AUTS2: variants seen among roughly 807,000 people sequenced by gnomAD.
AUTS2 encodes the protein activator of transcription and developmental regulator AUTS2, also known as autism susceptibility gene 2 protein.
AUTS2 carries 17 observed loss-of-function variants against 112.4 expected under a neutral mutation model. The ratio of observed to expected loss-of-function variants is 0.15; its 90% CI spans 0.10 to 0.23. AUTS2 has a LOEUF of 0.23. Among genes scored for constraint, AUTS2 ranks in the 10% least tolerant of loss-of-function variants. AUTS2 has a pLI of 1.00. For synonymous variants in AUTS2, 751 were observed against 702.7 expected, an observed-to-expected ratio of 1.07 and a Z score of -1.09; for missense variants, 1,510 against 1,701.6, an observed-to-expected ratio of 0.89 and a Z score of 1.98.
At chr7:70,432,871 G>A (rs1795734397) in intron 4 of AUTS2, among the ~76,000 whole-genome samples, 1 of 152,148 alleles carries the variant, frequency 6.6e-6, no homozygotes, top group Non-Finnish European at 1.5e-5. Context: ...ACCAGAAATG[G>A]AACTGTTTTC....
chr7:70,227,832 G>A (rs1311747650), intron 4 of AUTS2, among the ~76,000 whole-genome samples: 1 of 152,002 alleles, frequency 6.6e-6, no homozygotes, highest in African/African-American at 2.4e-5. Context: ...TAAATTTATA[G>A]ATAGTTATGG....
intron 2 of AUTS2, among the ~76,000 whole-genome samples, chr7:70,115,852 A>G (rs1350558069): frequency 6.6e-6 from 1 of 152,220 alleles, no homozygotes; most frequent in East Asian, 1.9e-4. Flanking sequence ...GAGCTCTTCA[A>G]AGACCATAAC....
intron 5 of AUTS2, among the ~76,000 whole-genome samples, chr7:70,577,257 C>T (rs1802208785): frequency 6.6e-6 from 1 of 152,192 alleles, no homozygotes; most frequent in Admixed American, 6.5e-5. Flanking sequence ...CCCATCATCA[C>T]CGTGGCTGCT....
chr7:70,132,900 C>T (rs1236949589), intron 3 of AUTS2, among the ~76,000 whole-genome samples: 1 of 152,110 alleles, frequency 6.6e-6, no homozygotes, highest in Non-Finnish European at 1.5e-5. Flanking sequence ...GTTCACTTCC[C>T]AGGGGCATGA....
At chr7:69,998,186 T>TG (rs1195853586) in intron 2 of AUTS2, among the ~76,000 whole-genome samples, 2 of 152,266 alleles carry the variant, frequency 1.3e-5, no homozygotes, top group African/African-American at 4.8e-5. Context: ...GGTGATGATG[T>TG]GGGGCAAATC....
rs553258172 is a variant in AUTS2, at chr7:70,033,222, T to A, written c.523-84910T>A. Among the ~76,000 whole-genome samples, 13 of 152,304 alleles carry A rather than the reference T, an allele frequency of 8.5e-5. No individual in the cohort carries two copies. In the East Asian group the frequency reaches 1.2e-3, roughly 14 times the overall value. Reference sequence around the variant, plus strand: ...CATCTTAATAAAGCTATTATTTTTTTAAAAAGGTATTAAGTTTCCTCAAGT... The same window carrying A: ...CATCTTAATAAAGCTATTATTTTTTAAAAAAGGTATTAAGTTTCCTCAAGT... On this transcript the variant is annotated intron_variant, in intron 2 of 18. Coordinates refer to ENST00000342771, the MANE Select transcript of AUTS2 (RefSeq NM_015570.4).
At chr7:70,087,377 T>C (rs1803663932) in intron 2 of AUTS2, among the ~76,000 whole-genome samples, 1 of 151,130 alleles carries the variant, frequency 6.6e-6, no homozygotes, top group Non-Finnish European at 1.5e-5. Context: ...TTTTTCTTTT[T>C]TTTTTTTTTG....
intron 5 of AUTS2, among the ~76,000 whole-genome samples, chr7:70,490,598 G>C (rs1021871677): frequency 6.6e-6 from 1 of 152,152 alleles, no homozygotes; most frequent in African/African-American, 2.4e-5. Context: ...GTGCATGTTA[G>C]ACCATAGATG....
intron 4 of AUTS2, among the ~76,000 whole-genome samples, chr7:70,197,285 A>C (rs201448743): frequency 4.0e-5 from 6 of 148,906 alleles, no homozygotes; most frequent in Admixed American, 6.7e-5. Flanking sequence ...ACACACACAC[A>C]CCCATTTTGT....
At chr7:70,351,461 A>G (rs1057093805) in intron 4 of AUTS2, among the ~76,000 whole-genome samples, 6 of 152,112 alleles carry the variant, frequency 3.9e-5, no homozygotes, top group African/African-American at 1.4e-4. Flanking sequence ...TTGATTTCCT[A>G]TCTTGGTTAT....
chr7:70,788,785 C>A (rs1166091743), intron 18 of AUTS2, among the ~76,000 whole-genome samples: 1 of 152,258 alleles, frequency 6.6e-6, no homozygotes, highest in Non-Finnish European at 1.5e-5. Flanking sequence ...CTGATCCTTG[C>A]ACACCAGCAC....
intron 1 of AUTS2, among the ~76,000 whole-genome samples, chr7:69,642,876 C>T (rs1794854132): frequency 6.6e-6 from 1 of 152,194 alleles, no homozygotes; most frequent in Non-Finnish European, 1.5e-5. Flanking sequence ...TTACCACAAA[C>T]TTAGTGCCTT....
At chr7:69,721,704 T>G (rs1798952892) in intron 1 of AUTS2, among the ~76,000 whole-genome samples, 1 of 152,174 alleles carries the variant, frequency 6.6e-6, no homozygotes, top group Non-Finnish European at 1.5e-5. Context: ...CTTTGAGAAA[T>G]AAGCTAGAGA....
chr7:69,667,659 AATCAAG>A (rs1796127930), intron 1 of AUTS2, among the ~76,000 whole-genome samples: 1 of 152,118 alleles, frequency 6.6e-6, no homozygotes, highest in South Asian at 2.1e-4. Context: ...CCCAGCCCAA[AATCAAG>A]ATTTTGACAG....
chr7:69,882,874 C>T (rs1202828340), intron 1 of AUTS2, among the ~76,000 whole-genome samples: 1 of 152,088 alleles, frequency 6.6e-6, no homozygotes, highest in Non-Finnish European at 1.5e-5. Context: ...CCAAATGTAA[C>T]CTTTTAGAAT....
intron 4 of AUTS2, among the ~76,000 whole-genome samples, chr7:70,288,381 G>A (rs557804780): frequency 1.3e-5 from 2 of 152,192 alleles, no homozygotes; most frequent in Middle Eastern, 3.4e-3. Flanking sequence ...CAGCCTGGGC[G>A]ACAGAGCAAG....
chr7:70,565,828 T>C (rs1801686232), intron 5 of AUTS2, among the ~76,000 whole-genome samples: 1 of 152,218 alleles, frequency 6.6e-6, no homozygotes, highest in Admixed American at 6.5e-5. Context: ...AGACAGAGCT[T>C]TGTGCTCATG....
intron 2 of AUTS2, among the ~76,000 whole-genome samples, chr7:69,944,953 A>G (rs1338042162): frequency 6.6e-6 from 1 of 152,136 alleles, no homozygotes; most frequent in Non-Finnish European, 1.5e-5. Flanking sequence ...TATGTAGGTA[A>G]AAACAAACAA....
chr7:70,484,638 C>T (rs1198737809), intron 5 of AUTS2, among the ~76,000 whole-genome samples: 1 of 152,136 alleles, frequency 6.6e-6, no homozygotes, highest in Non-Finnish European at 1.5e-5. Context: ...GGTCTTCTTG[C>T]TCTTTAGAGG....
Sources: gnomAD v4.1 joint callset for allele counts (sites outside exome capture counted in the v4.1 genomes callset) on GRCh38, gnomAD v4.1.1 for gene constraint, MANE v1.5 for transcripts, NCBI Gene and HGNC (gene_info 2026-07-23, HGNC 2026-07-21) for gene names.